Variants in GOLGA4 observed in about 807,000 individuals in gnomAD.
GOLGA4 encodes the protein golgin subfamily A member 4.
Under a neutral mutation model 265.9 loss-of-function variants are expected in GOLGA4, and 169 were observed. The observed-to-expected ratio is 0.64, with a 90% CI of 0.56 to 0.72. GOLGA4 has a LOEUF of 0.72. Among genes scored for constraint, GOLGA4 ranks in the 30% least tolerant of loss-of-function variants. GOLGA4 has a pLI of 0.00. For missense variants in GOLGA4, 2,482 were observed against 2,483.4 expected (o/e 1.00, Z 0.01); for synonymous variants, 923 against 855.8 (o/e 1.08, Z -1.37).
intron 8 of GOLGA4, 96 bp from the exon 9 acceptor site, chr3:37,299,192 C>T: frequency 1.1e-6 from 1 of 950,352 alleles, no homozygotes; most frequent in Admixed American, 2.3e-5. Flanking sequence ...TTTCCTTCTG[C>T]ACTGTAACAT....
rs900755747 is a variant in GOLGA4, at chr3:37,299,104, G to C, written c.1002+84G>C. On this transcript the variant is annotated intron_variant, in intron 8 of 23. Transcript: ENST00000361924. ...CACAGCATGGCTTGTACCTCCGGGA[G>C]AGGAGAGTGGATGGAAAGGGCATTT... 16 of 1,196,958 alleles carry C rather than the reference G, an allele frequency of 1.3e-5. 1 individual carries two copies. In the Admixed American group the frequency reaches 3.5e-4, roughly 26 times the overall value. 74.1% of individuals were successfully genotyped at this position (1,196,958 alleles called of 1,614,324 possible).
chr3:37,328,275 C>T, intron 14 of GOLGA4, 141 bp from the exon 15 acceptor site: 1 of 758,962 alleles, frequency 1.3e-6, no homozygotes, highest in Non-Finnish European at 2.2e-6. Flanking sequence ...CACACTCACT[C>T]TCACACTCTC....
chr3:37,326,077 A>G lies in GOLGA4; in HGVS notation c.4191A>G (p.Ser1397=), dbSNP rs764761609. Residue 1397 remains serine, a synonymous_variant, in exon 14 of 24, where the codon TCA becomes TCG. Transcript: ENST00000361924. ...TATCCGAAAAAGAAGCAGCCATTTC[A>G]TCACTAAGAAAGCAGTATGATGAAG... The part of the protein sequence containing the change: ...ISLSEKEAAI[S]SLRKQYDEEK... 1.9e-6 allele frequency: 3 copies of G among 1,613,620 alleles called. No individual in the cohort carries two copies. The highest frequency in any genetic ancestry group is 2.5e-6 in the Non-Finnish European group (3 of 1,179,570).
chr3:37,283,294 TAA>T (rs2096839677), intron 3 of GOLGA4, among the ~76,000 whole-genome samples: 2 of 152,210 alleles, frequency 1.3e-5, no homozygotes, highest in Admixed American at 1.3e-4. Flanking sequence ...CCCAGAGATA[TAA>T]ACAAGGCACT....
intron 2 of GOLGA4, among the ~76,000 whole-genome samples, chr3:37,252,607 A>G (rs563188102): frequency 1.3e-5 from 2 of 152,210 alleles, no homozygotes; most frequent in East Asian, 3.9e-4. Flanking sequence ...CTTTTGCCCT[A>G]TATTTTTGAG....
In GOLGA4 at chr3:37,326,790, C is replaced by T. The variant is rs1217496463; in HGVS notation, c.4904C>T (p.Ala1635Val). Residue 1635 changes from alanine to valine, a missense_variant, in exon 14 of 24, where the codon GCA (alanine) becomes GTA (valine). Ala to Val is a moderately conservative substitution (Grantham distance 64). Transcript: ENST00000361924. The stretch of plus-strand genomic sequence containing the variant: ...GATAGGCTTGAGTCAGAAAGTGCTG[C>T]AAAATTAGCAGAGTTGAAGAGAAAA... ...LEDRLESESAAKLAELKRKAE... is the reference protein window; with the variant it reads ...LEDRLESESAVKLAELKRKAE... 1 of 1,613,592 alleles carries T rather than the reference C, an allele frequency of 6.2e-7. No individual in the cohort carries two copies. The highest frequency in any genetic ancestry group is 1.1e-5 in the South Asian group (1 of 91,040).
At chr3:37,337,077 C>A in intron 17 of GOLGA4, 66 bp from the exon 18 acceptor site, 2 of 1,006,260 alleles carry the variant, frequency 2.0e-6, no homozygotes, top group Non-Finnish European at 3.0e-6. Context: ...CTTTATATTG[C>A]TTTGTTTTAC....
intron 2 of GOLGA4, among the ~76,000 whole-genome samples, chr3:37,258,817 T>G (rs963688157): frequency 6.6e-6 from 1 of 152,220 alleles, no homozygotes; most frequent in East Asian, 1.9e-4. Context: ...AAATTAACCA[T>G]GTATTCCTGC....
chr3:37,287,258 T>C (rs1432750545), intron 4 of GOLGA4, among the ~76,000 whole-genome samples: 1 of 152,164 alleles, frequency 6.6e-6, no homozygotes, highest in Non-Finnish European at 1.5e-5. Flanking sequence ...GGAGAATTGC[T>C]TGAACCTGGG....
intron 10 of GOLGA4, among the ~76,000 whole-genome samples, chr3:37,303,849 C>A (rs933227223): frequency 1.3e-5 from 2 of 152,198 alleles, no homozygotes; most frequent in Non-Finnish European, 2.9e-5. Context: ...TTTAGTAATG[C>A]TCTGCTCTAA....
At chr3:37,261,029 G>T (rs2096768423) in intron 2 of GOLGA4, among the ~76,000 whole-genome samples, 3 of 151,538 alleles carry the variant, frequency 2.0e-5, no homozygotes, top group Non-Finnish European at 1.5e-5. Context: ...AATTAGCCAG[G>T]TGTGGTGGTG....
rs545509310 is a variant in GOLGA4 at position 37,336,806 on chromosome 3, AAG to A, written c.6307-331_6307-330del. 6.6e-5 allele frequency among the ~76,000 whole-genome samples: 10 copies of A among 151,610 alleles called. No individual in the cohort carries two copies. The East Asian group carries it at 1.4e-3, about 21-fold the overall frequency. Reference sequence around the variant, plus strand: ...AGAGAGAGAAAGAGAAAGAGAAAGAAAGAGAGAAAGAGAGAGAAAGAAAACTT... The same window carrying A: ...AGAGAGAGAAAGAGAAAGAGAAAGAAAGAGAAAGAGAGAGAAAGAAAACTT... On this transcript the variant is annotated intron_variant, in intron 17 of 23. Transcript: ENST00000361924.
At chr3:37,358,551 A>G (rs1322230479) in intron 22 of GOLGA4, among the ~76,000 whole-genome samples, 1 of 152,174 alleles carries the variant, frequency 6.6e-6, no homozygotes, top group African/African-American at 2.4e-5. Flanking sequence ...AACTCAGGCA[A>G]TTCTCAGAGC....
intron 5 of GOLGA4, among the ~76,000 whole-genome samples, chr3:37,290,863 A>G (rs2096862790): frequency 6.6e-6 from 1 of 152,158 alleles, no homozygotes; most frequent in South Asian, 2.1e-4. Flanking sequence ...TAATAGAAAG[A>G]AAGTGCTTTT....
rs749628809 is a variant in GOLGA4 at position 37,325,042 on chromosome 3, T to A, written c.3156T>A (p.Asn1052Lys). ...DVISIWEKKL[N>K]QQAEELQEIH... Reference sequence around the variant, plus strand: ...TATCAATCTGGGAAAAGAAACTTAATCAGCAAGCTGAAGAACTTCAGGAAA... The same window carrying A: ...TATCAATCTGGGAAAAGAAACTTAAACAGCAAGCTGAAGAACTTCAGGAAA... Residue 1052 changes from asparagine to lysine, a missense_variant, in exon 14 of 24, where the codon AAT becomes AAA. Physicochemically the swap from Asn to Lys is moderately conservative, Grantham distance 94. Around this residue, in one of 3 missense-constraint regions of GOLGA4, gnomAD observed 1,536 missense variants for 1,483.7 expected, o/e 1.04. Transcript: ENST00000361924. The A allele has an allele frequency of 3.7e-6, 6 of 1,612,510 alleles. No individual in the cohort carries two copies. The highest frequency in any genetic ancestry group is 1.3e-5 in the African/African-American group (1 of 74,710).
intron 10 of GOLGA4, among the ~76,000 whole-genome samples, chr3:37,314,149 TG>T (rs920042576): frequency 6.6e-6 from 1 of 151,836 alleles, no homozygotes; most frequent in African/African-American, 2.4e-5. Context: ...TTAGTAGAGA[TG>T]GGGTTTCACC....
Position 37,361,099 on chromosome 3 carries a change from C to A in GOLGA4, c.6664-144C>A, listed in dbSNP as rs1183607571. 2.5e-5 allele frequency: 16 copies of A among 641,348 alleles called. No individual in the cohort carries two copies. The Admixed American group carries it at 3.3e-4, about 13-fold the overall frequency. 39.7% of individuals were successfully genotyped at this position (641,348 alleles called of 1,614,324 possible). A position where few individuals can be genotyped will look rare whatever the true frequency, so the allele number is the denominator to read the frequency against. On this transcript the variant is annotated intron_variant, in intron 22 of 23. Transcript: ENST00000361924. Reference sequence around the variant, plus strand: ...GGTATTACAGATTCCTTATTCCTTGCCTGTACACCCTTGATTTGGGGAGAT... The same window carrying A: ...GGTATTACAGATTCCTTATTCCTTGACTGTACACCCTTGATTTGGGGAGAT...
Position 37,281,944 on chromosome 3 carries a change from G to A in GOLGA4, c.163-14G>A. The stretch of plus-strand genomic sequence containing the variant: ...GTATTTTAATCCACACATTCTGTTG[G>A]GTTTTGGTTGCAGTCAGGTGACACA... On this transcript the variant is annotated splice_polypyrimidine_tract_variant and intron_variant, in intron 2 of 23. Transcript: ENST00000361924. 6.3e-7 allele frequency: 1 copy of A among 1,594,014 alleles called. No individual in the cohort carries two copies. The highest frequency in any genetic ancestry group is 8.6e-7 in the Non-Finnish European group (1 of 1,165,588).
chr3:37,281,898 G>A, intron 2 of GOLGA4, 60 bp from the exon 3 acceptor site: 11 of 1,109,638 alleles, frequency 9.9e-6, no homozygotes, highest in Non-Finnish European at 1.5e-5. Flanking sequence ...TGGTGATGGG[G>A]TAATGGAAGT....
Sources: gnomAD v4.1 joint callset for allele counts (sites outside exome capture counted in the v4.1 genomes callset) on GRCh38, gnomAD v4.1.1 for gene constraint, gnomAD v4.1.1 regional missense constraint, MANE v1.5 for transcripts, NCBI Gene and HGNC (gene_info 2026-07-23, HGNC 2026-07-21) for gene names.